The following FBXL13 variants were observed in gnomAD, a reference collection of about 807,000 sequenced individuals.
The protein encoded by FBXL13 is F-box and leucine rich repeat protein 13, also known as F-box and leucine-rich repeat protein 13.
A neutral mutation model predicts 83.6 loss-of-function variants in FBXL13; 67 were observed. The ratio of observed to expected loss-of-function variants is 0.80; its 90% confidence interval spans 0.66 to 0.98. FBXL13 has a LOEUF of 0.98. Ranked by LOEUF, FBXL13 falls within the 50% of genes least tolerant of loss-of-function variation. The pLI is 0.00. For synonymous variants in FBXL13, 272 were observed against 299.5 expected (o/e 0.91, Z 0.95); for missense variants, 822 against 866.5 (o/e 0.95, Z 0.64).
chr7:103,007,903 G>A (rs563353911), intron 6 of FBXL13, among the ~76,000 whole-genome samples: 3 of 152,226 alleles, frequency 2.0e-5, no homozygotes, highest in East Asian at 3.9e-4. Context: ...ACAGGGTTTC[G>A]AGCTCAAGAA....
chr7:103,066,822 G>C lies in FBXL13; in HGVS notation c.-105+7424C>G, dbSNP rs923453005. ...TTTTTTTTTTTTGAGATGGAGTTTC[G>C]CTCTCATTGCCCAGGCTGGAGTGCA... On this transcript the variant is annotated intron_variant, in intron 1 of 19. Transcript: ENST00000313221. Among the ~76,000 whole-genome samples the C allele has an allele frequency of 4.9e-4, 69 of 141,142 alleles. 2 individuals are homozygous for C. Among genetic ancestry groups the C allele is most frequent in the Admixed American group, 9.4e-4 (13 of 13,796 alleles). 92.6% of individuals were successfully genotyped at this position (141,142 alleles called of 152,430 possible).
chr7:103,054,980 C>T (rs1438024829), intron 2 of FBXL13, 108 bp downstream of exon 3: 1 of 585,346 alleles, frequency 1.7e-6, no homozygotes, highest in African/African-American at 2.0e-5. Context: ...GTGCCCCCAA[C>T]AACAAAAACA....
chr7:102,920,766 T>C (rs1243296175), intron 10 of FBXL13, among the ~76,000 whole-genome samples: 4 of 151,992 alleles, frequency 2.6e-5, no homozygotes, highest in Admixed American at 6.6e-5. Flanking sequence ...AAACCTAAAA[T>C]CCCGCATCAC....
intron 11 of FBXL13, among the ~76,000 whole-genome samples, chr7:102,894,567 A>T (rs1812017433): frequency 6.6e-6 from 1 of 151,886 alleles, no homozygotes; most frequent in South Asian, 2.1e-4. Context: ...TAGAAAAAAA[A>T]TTTGAAAAGA....
rs79423100 is a variant in FBXL13 at position 102,826,000 on chromosome 7, G to A, written c.1855-3797C>T. ...AGCATAAAGTAAGCACTCAATAAAT[G>A]GTAGCTATAATTATGATTATTCATC... On this transcript the variant is annotated intron_variant, in intron 18 of 19. Coordinates refer to ENST00000313221, the Ensembl canonical transcript of FBXL13. 5.3e-3 allele frequency among the ~76,000 whole-genome samples: 806 copies of A among 152,202 alleles called. 7 individuals are homozygous for A. The highest frequency in any genetic ancestry group is 0.018 in the African/African-American group (764 of 41,512).
intron 17 of FBXL13, among the ~76,000 whole-genome samples, chr7:102,844,767 T>G (rs1224386229): frequency 6.6e-6 from 1 of 152,186 alleles, no homozygotes; most frequent in Admixed American, 6.5e-5. Context: ...CCAATCCCAG[T>G]AGATTTCAGA....
chr7:103,006,278 G>T (rs1468883142), intron 6 of FBXL13, among the ~76,000 whole-genome samples: 1 of 152,168 alleles, frequency 6.6e-6, no homozygotes, highest in African/African-American at 2.4e-5. Context: ...TACACATATG[G>T]ATCTTCTTGA....
intron 8 of FBXL13, among the ~76,000 whole-genome samples, chr7:102,946,650 T>TTTTATTTATTTATTTATTTA (rs10570570): frequency 1.4e-5 from 2 of 140,916 alleles, no homozygotes; most frequent in African/African-American, 5.2e-5. Flanking sequence ...TCTATTTTTA[T>TTTTATTTATTTATTTATTTA]TTTATTTATT....
intron 10 of FBXL13, among the ~76,000 whole-genome samples, chr7:102,923,581 G>A (rs577038345): frequency 2.2e-4 from 34 of 152,200 alleles, no homozygotes; most frequent in African/African-American, 8.2e-4. Context: ...CCAGCACTTT[G>A]GGAGGCTGAG....
At position 102,882,004 on chromosome 7, in the gene FBXL13, T is replaced by A. The variant is rs906384302; in HGVS notation, c.1388+1301A>T. On this transcript the variant is annotated intron_variant, in intron 14 of 19. Transcript: ENST00000313221. ...GGGCCAGTGCAGTGGCTCATGCCTATAATCCCAGCATTTTGGGAGGCCAAG... is the reference window on the plus strand; with the variant it reads ...GGGCCAGTGCAGTGGCTCATGCCTAAAATCCCAGCATTTTGGGAGGCCAAG... Among the ~76,000 whole-genome samples, 5 of 152,318 alleles carry A rather than the reference T, an allele frequency of 3.3e-5. No individual in the cohort carries two copies. The South Asian group carries it at 1.0e-3, about 32-fold the overall frequency.
chr7:102,827,182 T>C, intron 18 of FBXL13: 1 of 454,400 alleles, frequency 2.2e-6, no homozygotes, highest in Admixed American at 2.3e-5. Flanking sequence ...AATGTGTTAC[T>C]GCCCTTGAAG....
At chr7:103,072,639 C>T (rs1799081479) in intron 1 of FBXL13, among the ~76,000 whole-genome samples, 1 of 152,196 alleles carries the variant, frequency 6.6e-6, no homozygotes, top group Non-Finnish European at 1.5e-5. Flanking sequence ...ACAGACTGAG[C>T]CATCACTCAG....
At position 103,002,470 on chromosome 7, in the gene FBXL13, GA is replaced by G. The variant is rs530339288; in HGVS notation, c.495+22592del. ...CCATGACACACTATTAGAAGATTTT[GA>G]ATTTGTCTGAATACTTACTTTTGCC... On this transcript the variant is annotated intron_variant, in intron 6 of 19. Transcript: ENST00000313221. 8.6e-4 allele frequency among the ~76,000 whole-genome samples: 131 copies of G among 152,212 alleles called. 1 individual carries two copies. The highest frequency in any genetic ancestry group is 3.1e-3 in the African/African-American group (129 of 41,550).
chr7:102,926,752 T>C (rs1818216748), intron 9 of FBXL13, among the ~76,000 whole-genome samples: 1 of 152,196 alleles, frequency 6.6e-6, no homozygotes, highest in East Asian at 1.9e-4. Flanking sequence ...TTTAAACTTA[T>C]TAAAATTATT....
At chr7:103,024,857 A>ATATATTTTTT (rs1298384907) in intron 6 of FBXL13, among the ~76,000 whole-genome samples, 3 of 62,854 alleles carry the variant, frequency 4.8e-5, no homozygotes, top group Admixed American at 2.5e-4. Context: ...ATATATATAT[A>ATATATTTTTT]TTTTTTTTTT....
chr7:102,877,593 G>A, exon 16 of FBXL13: 2 of 1,604,054 alleles, frequency 1.2e-6, no homozygotes, highest in Non-Finnish European at 1.7e-6. Flanking sequence ...AATTAGGGCA[G>A]CTAAAAGAAA....
chr7:102,832,855 A>C (rs1341653198), exon 18 of FBXL13: 1 of 1,614,204 alleles, frequency 6.2e-7, no homozygotes, highest in East Asian at 2.2e-5. Context: ...GACAGCCAGC[A>C]ATGCTGAGAG....
At chr7:103,014,669 C>A (rs201428913) in intron 6 of FBXL13, among the ~76,000 whole-genome samples, 1 of 151,940 alleles carries the variant, frequency 6.6e-6, no homozygotes, top group East Asian at 1.9e-4. Flanking sequence ...CACGCCTGTA[C>A]TCCCAGCACT....
At chr7:103,009,263 G>A (rs992611137) in intron 6 of FBXL13, among the ~76,000 whole-genome samples, 11 of 152,138 alleles carry the variant, frequency 7.2e-5, no homozygotes, top group African/African-American at 9.7e-5. Flanking sequence ...CACTCTCACC[G>A]AGAGAAAACA....
Sources: gnomAD v4.1 joint callset for allele counts (sites outside exome capture counted in the v4.1 genomes callset) on GRCh38, gnomAD v4.1.1 for gene constraint, MANE v1.5 for transcripts, NCBI Gene and HGNC (gene_info 2026-07-23, HGNC 2026-07-21) for gene names.